SRGAP2C: variants seen among roughly 807,000 people sequenced by gnomAD.
SRGAP2C encodes SLIT-ROBO Rho GTPase-activating protein 2C.
Under a neutral mutation model 25.1 loss-of-function variants are expected in SRGAP2C, and 15 were observed. The observed-to-expected ratio is 0.60, with a 90% CI of 0.40 to 0.92. The LOEUF (loss-of-function observed/expected upper bound fraction) is 0.92. SRGAP2C is among the 40% of genes least tolerant of loss of function. The probability of loss-of-function intolerance (pLI) is 0.00; values close to 1 mark genes in which losing one functional copy is unlikely to be tolerated. For synonymous variants in SRGAP2C, 44 were observed against 96.6 expected, an observed-to-expected ratio of 0.46 and a Z score of 3.19; for missense variants, 144 against 264.4, an observed-to-expected ratio of 0.54 and a Z score of 3.16.
intron 4 of SRGAP2C, among the ~76,000 whole-genome samples, chr1:121,355,310 T>C (rs1553347344): frequency 1.0e-5 from 1 of 98,758 alleles, no homozygotes; most frequent in Admixed American, 1.0e-4. Context: ...ACATTCTTTT[T>C]TTTTTTTTTT....
intron 4 of SRGAP2C, among the ~76,000 whole-genome samples, chr1:121,358,741 A>G (rs1164583072): frequency 2.7e-5 from 4 of 145,464 alleles, no homozygotes; most frequent in Non-Finnish European, 4.5e-5. Flanking sequence ...AGAATTTACT[A>G]TGTAATAGCT....
In SRGAP2C at chr1:121,321,912, C is replaced by T. The variant is rs1658213997; in HGVS notation, c.261-2566C>T. On this transcript the variant is annotated intron_variant, in intron 3 of 9. Transcript: ENST00000367123. Reference sequence around the variant, plus strand: ...CTCTTTTGATCTGAGGTCTACCTTTCTGAGCTAGCTGGCCTTTTGTTTGTA... The same window carrying T: ...CTCTTTTGATCTGAGGTCTACCTTTTTGAGCTAGCTGGCCTTTTGTTTGTA... Among the ~76,000 whole-genome samples the T allele has an allele frequency of 2.0e-5, 3 of 152,234 alleles. No individual in the cohort carries two copies. The South Asian group carries it at 6.2e-4, about 32-fold the overall frequency.
At chr1:121,345,602 A>AT (rs1201872028) in intron 4 of SRGAP2C, among the ~76,000 whole-genome samples, 1 of 148,806 alleles carries the variant, frequency 6.7e-6, no homozygotes, top group Admixed American at 6.7e-5. Flanking sequence ...AAAATATCAC[A>AT]TTTTTTATAG....
At chr1:121,361,345 T>G (rs1553348518) in intron 4 of SRGAP2C, 4 of 138,596 alleles carry the variant, frequency 2.9e-5, no homozygotes, top group Non-Finnish European at 6.3e-5. Flanking sequence ...TTTAAAGAGG[T>G]CTAAGGAAGA....
chr1:121,299,370 GA>G (rs1168458130), intron 3 of SRGAP2C, among the ~76,000 whole-genome samples: 133 of 141,802 alleles, frequency 9.4e-4, no homozygotes, highest in Middle Eastern at 3.5e-3. Flanking sequence ...TAGAGAGAAT[GA>G]AAAAAAAAGT....
In SRGAP2C at chr1:121,204,539, C is replaced by T. The variant is rs587730296; in HGVS notation, c.67+17026C>T. Among the ~76,000 whole-genome samples, 21 of 151,836 alleles carry T rather than the reference C, an allele frequency of 1.4e-4. 1 individual carries two copies. In the South Asian group the frequency reaches 4.0e-3, roughly 29 times the overall value. On this transcript the variant is annotated intron_variant, in intron 2 of 9. Transcript: ENST00000367123. ...CCTCCCAAAGTGCTGGGATTACAGG[C>T]GTGAGCCACCGTGCCCGGCCTCAGA...
At chr1:121,323,615 CAAAAAAAA>C (rs1163708332) in intron 3 of SRGAP2C, among the ~76,000 whole-genome samples, 1 of 28,154 alleles carries the variant, frequency 3.6e-5, no homozygotes, top group African/African-American at 1.7e-4. Flanking sequence ...GACTTTGTCT[CAAAAAAAA>C]AAAAAAAAAA....
intron 8 of SRGAP2C, among the ~76,000 whole-genome samples, chr1:121,385,806 A>G (rs1324718582): frequency 3.3e-5 from 5 of 151,078 alleles, no homozygotes; most frequent in Middle Eastern, 3.4e-3. Flanking sequence ...CACATCTCCA[A>G]TGGGAGACAG....
chr1:121,293,663 T>C (rs1241772032), intron 3 of SRGAP2C, among the ~76,000 whole-genome samples: 1 of 151,978 alleles, frequency 6.6e-6, no homozygotes, highest in Non-Finnish European at 1.5e-5. Flanking sequence ...GTCGGTGAAC[T>C]GTAGCCTTGA....
intron 3 of SRGAP2C, among the ~76,000 whole-genome samples, chr1:121,308,818 A>C (rs1657910341): frequency 6.8e-6 from 1 of 146,998 alleles, no homozygotes; most frequent in Admixed American, 6.8e-5. Flanking sequence ...ACATGCCTGT[A>C]ATCCCAGCTA....
At chr1:121,321,082 TC>T (rs1414105922) in intron 3 of SRGAP2C, among the ~76,000 whole-genome samples, 1 of 149,974 alleles carries the variant, frequency 6.7e-6, no homozygotes, top group Non-Finnish European at 1.5e-5. Context: ...GTTCAGAAGT[TC>T]CAAGGCATAC....
intron 2 of SRGAP2C, among the ~76,000 whole-genome samples, chr1:121,259,477 CAA>C (rs55999205): frequency 1.6e-5 from 1 of 62,796 alleles, no homozygotes; most frequent in Non-Finnish European, 3.0e-5. Context: ...GAGACTGTCT[CAA>C]AAAAAAAAAG....
intron 4 of SRGAP2C, among the ~76,000 whole-genome samples, chr1:121,355,555 C>T (rs1337440862): frequency 1.5e-5 from 2 of 132,636 alleles, no homozygotes; most frequent in Non-Finnish European, 3.2e-5. Context: ...GTGATCCGCC[C>T]GCCTCGGCCT....
chr1:121,287,802 C>T lies in SRGAP2C; in HGVS notation c.260+2807C>T, dbSNP rs1479142339. Among the ~76,000 whole-genome samples, 206 of 152,092 alleles carry T rather than the reference C, an allele frequency of 1.4e-3. 1 individual carries two copies. The highest frequency in any genetic ancestry group is 5.3e-3 in the Admixed American group (81 of 15,282). ...CTTCCTTCTGGTGGGTTCATGGTCT[C>T]GCTGGCTCAGGAGTGAAGCTGCAGA... is the stretch of plus-strand genomic sequence containing the variant. On this transcript the variant is annotated intron_variant, in intron 3 of 9. Transcript: ENST00000367123.
chr1:121,359,865 C>A (rs1284642294), intron 4 of SRGAP2C, among the ~76,000 whole-genome samples: 1 of 152,234 alleles, frequency 6.6e-6, no homozygotes, highest in Non-Finnish European at 1.5e-5. Flanking sequence ...GCCAGCTGGA[C>A]TTCCTCAGTG....
chr1:121,195,237 C>T (rs1654800977), intron 2 of SRGAP2C, among the ~76,000 whole-genome samples: 1 of 152,160 alleles, frequency 6.6e-6, no homozygotes, highest in African/African-American at 2.4e-5. Flanking sequence ...ATGGTAAAAC[C>T]TCATCTCTAC....
chr1:121,225,723 T>C (rs1240865474), intron 2 of SRGAP2C, among the ~76,000 whole-genome samples: 1 of 151,498 alleles, frequency 6.6e-6, no homozygotes, highest in Non-Finnish European at 1.5e-5. Flanking sequence ...AACTTTTTTT[T>C]TTTTTTTAAG....
At position 121,313,491 on chromosome 1, in the gene SRGAP2C, TC is replaced by T. The variant is rs1658010006; in HGVS notation, c.261-10986del. Among the ~76,000 whole-genome samples, 8 of 122,276 alleles carry T rather than the reference TC, an allele frequency of 6.5e-5. No homozygotes were observed. The South Asian group carries it at 2.3e-3, about 35-fold the overall frequency. The allele number at this position is 122,276 out of a possible 152,430, so 80.2% of individuals were successfully genotyped here. Reference sequence around the variant, plus strand: ...TTATGATGTTAGCTGGTGATTTTGCTCATTAGTTGATGCAGTTTCTTCCTAG... The same window carrying T: ...TTATGATGTTAGCTGGTGATTTTGCTATTAGTTGATGCAGTTTCTTCCTAG... On this transcript the variant is annotated intron_variant, in intron 3 of 9. Transcript: ENST00000367123.
chr1:121,362,533 G>T lies in SRGAP2C; in HGVS notation c.424-2760G>T, dbSNP rs1315144364. ...CCCCCATCCCCCACTCTGGGGCTAG[G>T]TTATTTAAGTCATGGGTAAGCAACA... On this transcript the variant is annotated intron_variant, in intron 4 of 9. Transcript: ENST00000367123. 8.7e-5 allele frequency among the ~76,000 whole-genome samples: 13 copies of T among 149,888 alleles called. No homozygotes were observed. The East Asian group carries it at 1.4e-3, about 16-fold the overall frequency.
Sources: gnomAD v4.1 joint callset for allele counts (sites outside exome capture counted in the v4.1 genomes callset) on GRCh38, gnomAD v4.1.1 for gene constraint, MANE v1.5 for transcripts, NCBI Gene and HGNC (gene_info 2026-07-23, HGNC 2026-07-21) for gene names.